Variants in USPL1 observed in about 807,000 individuals in gnomAD.
USPL1 encodes the protein SUMO-specific isopeptidase USPL1.
In USPL1, 27 loss-of-function variants were observed where a neutral mutation model predicts 51.5. The ratio of observed to expected loss-of-function variants is 0.52; its 90% CI spans 0.39 to 0.72. USPL1 has a LOEUF of 0.72. Among genes scored for constraint, USPL1 ranks in the 30% least tolerant of loss-of-function variants. The pLI, the probability that USPL1 is intolerant of heterozygous loss-of-function variation, is 0.00. For missense variants in USPL1, 1,226 were observed against 1,268.0 expected (o/e 0.97, Z 0.50); for synonymous variants, 451 against 459.6 (o/e 0.98, Z 0.24).
At position 30,659,973 on chromosome 13, in the gene USPL1, C is replaced by G. The variant is rs954628622; in HGVS notation, c.*617C>G. Reference sequence around the variant, plus strand: ...TCTCAGCTCTCAGCAGAGAAGCAGCCCTGGAGAAGGTAGCTTCTGTTCGCA... The same window carrying G: ...TCTCAGCTCTCAGCAGAGAAGCAGCGCTGGAGAAGGTAGCTTCTGTTCGCA... On this transcript the variant is annotated 3_prime_UTR_variant, in exon 9 of 9. Transcript: ENST00000255304. 1.3e-5 allele frequency: 2 copies of G among 152,332 alleles called. No homozygotes were observed. The highest frequency in any genetic ancestry group is 4.8e-5 in the African/African-American group (2 of 41,380). The allele number at this position is 152,332 out of a possible 1,614,324, so 9.4% of individuals were successfully genotyped here. A position where few individuals can be genotyped will look rare whatever the true frequency, so the allele number is the denominator to read the frequency against.
intron 7 of USPL1, among the ~76,000 whole-genome samples, chr13:30,648,470 A>G (rs1171640976): frequency 6.6e-6 from 1 of 152,082 alleles, no homozygotes; most frequent in Non-Finnish European, 1.5e-5. Context: ...CGTAGTTTTT[A>G]GCCCAAGGCC....
chr13:30,644,413 T>TG (rs1491369026), intron 6 of USPL1, among the ~76,000 whole-genome samples: 2 of 100,448 alleles, frequency 2.0e-5, no homozygotes, highest in Non-Finnish European at 3.7e-5. Flanking sequence ...ACAAAGGTTT[T>TG]GTTTTTTTTT....
chr13:30,637,951 G>T (rs1200952906), intron 5 of USPL1, 94 bp downstream of exon 5: 3 of 999,716 alleles, frequency 3.0e-6, no homozygotes, highest in Non-Finnish European at 4.5e-6. Context: ...GATTACCTTG[G>T]ATGATCATAT....
chr13:30,651,126 T>G (rs1156859878), intron 7 of USPL1, among the ~76,000 whole-genome samples: 1 of 152,228 alleles, frequency 6.6e-6, no homozygotes, highest in East Asian at 1.9e-4. Context: ...CTGCATCGTT[T>G]CACTCCACAT....
At chr13:30,622,884 T>C (rs972136876) in intron 3 of USPL1, among the ~76,000 whole-genome samples, 1 of 150,684 alleles carries the variant, frequency 6.6e-6, no homozygotes, top group African/African-American at 2.4e-5. Context: ...TAAATTTCTT[T>C]ATGTTTATAT....
At chr13:30,647,777 C>T (rs1951037433) in intron 7 of USPL1, among the ~76,000 whole-genome samples, 1 of 152,138 alleles carries the variant, frequency 6.6e-6, no homozygotes, top group Admixed American at 6.5e-5. Context: ...GGAACATTAA[C>T]CTTTATGCCC....
intron 3 of USPL1, 122 bp downstream of exon 3, chr13:30,622,014 C>T (rs928361879): frequency 2.2e-5 from 14 of 642,394 alleles, no homozygotes; most frequent in Non-Finnish European, 3.1e-5. Flanking sequence ...TATGTAATCT[C>T]AGTTTGTAAG....
In USPL1 at chr13:30,658,009, T is replaced by G. The variant is rs772023396; in HGVS notation, c.1932T>G (p.Leu644=). Residue 644 remains leucine, a synonymous_variant, in exon 9 of 9, where the codon CTT becomes CTG. Transcript: ENST00000255304. ...SSVSAPCNEK[L]IQDQFVDISF... ...TATCAGCTCCATGTAATGAAAAGCTTATTCAAGACCAATTTGTGGACATAA... is the reference window on the plus strand; with the variant it reads ...TATCAGCTCCATGTAATGAAAAGCTGATTCAAGACCAATTTGTGGACATAA... 5.6e-6 allele frequency: 9 copies of G among 1,613,346 alleles called. No individual in the cohort carries two copies. The highest frequency in any genetic ancestry group is 7.6e-6 in the Non-Finnish European group (9 of 1,179,998).
Position 30,658,956 on chromosome 13 carries a change from T to C in USPL1, c.2879T>C (p.Val960Ala), listed in dbSNP as rs1331214236. Reference sequence around the variant, plus strand: ...TCTGCATGCACCACTGTTCCTGGTGTTTCCCTGTACAGTAGTCAAACTCAT... The same window carrying C: ...TCTGCATGCACCACTGTTCCTGGTGCTTCCCTGTACAGTAGTCAAACTCAT... ...SESACTTVPGVSLYSSQTHEE... is the reference protein window; with the variant it reads ...SESACTTVPGASLYSSQTHEE... The change falls in exon 9 of 9, where the codon GTT becomes GCT. Residue 960 changes from valine to alanine, a missense_variant. Transcript: ENST00000255304. The C allele has an allele frequency of 1.2e-6, 2 of 1,614,080 alleles. No individual in the cohort carries two copies. The highest frequency in any genetic ancestry group is 3.3e-5 in the Admixed American group (2 of 60,008).
chr13:30,622,593 G>A (rs746240547), intron 3 of USPL1, among the ~76,000 whole-genome samples: 17 of 152,128 alleles, frequency 1.1e-4, no homozygotes, highest in Non-Finnish European at 1.9e-4. Context: ...GCAGAGCTGT[G>A]GTTGGAATAC....
At chr13:30,639,796 C>G (rs1212300242) in intron 5 of USPL1, among the ~76,000 whole-genome samples, 1 of 152,148 alleles carries the variant, frequency 6.6e-6, no homozygotes, top group African/African-American at 2.4e-5. Flanking sequence ...GTGCATTTAG[C>G]AGATACCATT....
chr13:30,627,502 A>G (rs1443870982), intron 3 of USPL1, among the ~76,000 whole-genome samples: 1 of 146,166 alleles, frequency 6.8e-6, no homozygotes, highest in African/African-American at 2.6e-5. Context: ...GGGGCCTCTT[A>G]TGGTTTATTA....
At chr13:30,641,725 AG>A (rs1950949947) in intron 5 of USPL1, among the ~76,000 whole-genome samples, 1 of 152,238 alleles carries the variant, frequency 6.6e-6, no homozygotes, top group African/African-American at 2.4e-5. Flanking sequence ...TAGACTGAAA[AG>A]TTAAGAAGAA....
At chr13:30,633,705 G>C (rs973423541) in intron 4 of USPL1, among the ~76,000 whole-genome samples, 1 of 150,594 alleles carries the variant, frequency 6.6e-6, no homozygotes, top group African/African-American at 2.4e-5. Flanking sequence ...CCCAGGAGGT[G>C]GAAGTTGAAC....
At chr13:30,642,102 A>G (rs1315710014) in intron 5 of USPL1, among the ~76,000 whole-genome samples, 1 of 151,990 alleles carries the variant, frequency 6.6e-6, no homozygotes, top group Admixed American at 6.6e-5. Flanking sequence ...TTGTAGAGAT[A>G]ATGCCTCGCT....
intron 7 of USPL1, among the ~76,000 whole-genome samples, chr13:30,648,830 G>T (rs1342276406): frequency 3.3e-5 from 5 of 152,144 alleles, no homozygotes; most frequent in African/African-American, 1.2e-4. Context: ...TGGCTGCCAG[G>T]TGTCAGTTTT....
intron 6 of USPL1, among the ~76,000 whole-genome samples, chr13:30,643,611 C>T (rs1593381678): frequency 7.6e-6 from 1 of 131,466 alleles, no homozygotes; most frequent in African/African-American, 3.1e-5. Context: ...CCCCCCCCCG[C>T]CCTTTTTTTT....
intron 3 of USPL1, among the ~76,000 whole-genome samples, chr13:30,625,500 C>T (rs997694345): frequency 2.2e-5 from 3 of 136,822 alleles, no homozygotes; most frequent in African/African-American, 8.5e-5. Flanking sequence ...GGCTGGAGTG[C>T]AGTGGTGCGA....
In USPL1 at chr13:30,657,735, T is replaced by C. The variant is rs148995493; in HGVS notation, c.1658T>C (p.Ile553Thr). ...ETASVTHPKDISVAPRTLSQD... is the reference protein window; with the variant it reads ...ETASVTHPKDTSVAPRTLSQD... ...GCCTCAGTAACTCACCCTAAAGATA[T>C]ATCAGTTGCCCCTCGTACTCTTTCA... Residue 553 changes from isoleucine to threonine, a missense_variant, in exon 9 of 9, where the codon ATA becomes ACA. Ile to Thr is a moderately conservative substitution (Grantham distance 89). Coordinates refer to ENST00000255304, the MANE Select transcript of USPL1 (RefSeq NM_005800.5). 3,279 of 1,614,178 alleles carry C rather than the reference T, an allele frequency of 2.0e-3. 16 individuals are homozygous for C. The highest frequency in any genetic ancestry group is 2.4e-3 in the Non-Finnish European group (2,851 of 1,180,022).
Sources: gnomAD v4.1 joint callset for allele counts (sites outside exome capture counted in the v4.1 genomes callset) on GRCh38, gnomAD v4.1.1 for gene constraint, MANE v1.5 for transcripts, NCBI Gene and HGNC (gene_info 2026-07-23, HGNC 2026-07-21) for gene names.